LARS2: variants seen among roughly 807,000 people sequenced by gnomAD.
LARS2 encodes the protein leucyl-tRNA synthetase 2, mitochondrial.
Under a neutral mutation model 116.6 loss-of-function variants are expected in LARS2, and 81 were observed. The ratio of observed to expected loss-of-function variants is 0.69; its 90% CI spans 0.58 to 0.84. The LOEUF is 0.84. Among genes scored for constraint, LARS2 ranks in the 40% least tolerant of loss-of-function variants. The probability of loss-of-function intolerance (pLI) is 0.00; values close to 1 mark genes in which losing one functional copy is unlikely to be tolerated. For missense variants in LARS2, 968 were observed against 1,114.5 expected, an observed-to-expected ratio of 0.87 and a Z score of 1.87; for synonymous variants, 396 against 407.2, an observed-to-expected ratio of 0.97 and a Z score of 0.33.
At chr3:45,398,239 G>A (rs766197501) in intron 3 of LARS2, among the ~76,000 whole-genome samples, 9 of 152,282 alleles carry the variant, frequency 5.9e-5, no homozygotes, top group African/African-American at 1.7e-4. Flanking sequence ...TAATGGTTCC[G>A]TTAAAGGTTT....
Position 45,451,028 on chromosome 3 carries a change from A to C in LARS2, c.606+4048A>C, listed in dbSNP as rs185595404. 1.9e-4 allele frequency among the ~76,000 whole-genome samples: 29 copies of C among 151,904 alleles called. 1 individual carries two copies. Among genetic ancestry groups the C allele is most frequent in the African/African-American group, 6.8e-4 (28 of 41,474 alleles). On this transcript the variant is annotated intron_variant, in intron 7 of 21. Transcript: ENST00000645846. ...TATATAGGTGTTTTGCCTGTTTTCT[A>C]ATTGGAGTATTTGGATTTTTGTTTG...
chr3:45,428,536 C>T (rs950307020), intron 6 of LARS2, among the ~76,000 whole-genome samples: 67 of 152,250 alleles, frequency 4.4e-4, no homozygotes, highest in African/African-American at 1.5e-3. Context: ...TGAGCCACCG[C>T]GCCCAGCCTA....
chr3:45,401,373 C>T (rs893021040), intron 4 of LARS2, among the ~76,000 whole-genome samples: 24 of 151,468 alleles, frequency 1.6e-4, no homozygotes, highest in Non-Finnish European at 2.8e-4. Context: ...TGTGGTGGCA[C>T]ACACCTGTAG....
chr3:45,519,937 T>C (rs1700426978), intron 18 of LARS2: 1 of 342,482 alleles, frequency 2.9e-6, no homozygotes, highest in Non-Finnish European at 5.5e-6. Flanking sequence ...TGTGAGCCAC[T>C]GTGCCCAGCC....
intron 5 of LARS2, 32 bp downstream of exon 5, chr3:45,417,605 C>A: frequency 6.5e-7 from 1 of 1,535,284 alleles, no homozygotes; most frequent in Non-Finnish European, 9.0e-7. Flanking sequence ...CAAATACTTG[C>A]ATACAAAAAC....
At chr3:45,410,615 C>T (rs1256313174) in intron 4 of LARS2, among the ~76,000 whole-genome samples, 1 of 152,156 alleles carries the variant, frequency 6.6e-6, no homozygotes, top group Non-Finnish European at 1.5e-5. Flanking sequence ...ACATCAATTT[C>T]CCCAGTCTCT....
At chr3:45,397,790 T>C (rs1432281068) in intron 3 of LARS2, among the ~76,000 whole-genome samples, 1 of 152,196 alleles carries the variant, frequency 6.6e-6, no homozygotes, top group East Asian at 1.9e-4. Context: ...ATTGAGTGGA[T>C]AGTTTTCTTC....
chr3:45,525,045 A>G (rs1233815604), intron 20 of LARS2, among the ~76,000 whole-genome samples: 4 of 152,214 alleles, frequency 2.6e-5, no homozygotes. Context: ...ACTTTAAAAC[A>G]TAGTACTCCT....
intron 6 of LARS2, among the ~76,000 whole-genome samples, chr3:45,446,541 G>A (rs1366152399): frequency 6.6e-6 from 1 of 152,228 alleles, no homozygotes; most frequent in Non-Finnish European, 1.5e-5. Context: ...TTGTGAATAA[G>A]CATCAGGCCC....
intron 6 of LARS2, among the ~76,000 whole-genome samples, chr3:45,443,361 A>G (rs1384574516): frequency 6.6e-6 from 1 of 152,242 alleles, no homozygotes; most frequent in Non-Finnish European, 1.5e-5. Context: ...AAGACTCAAA[A>G]TAGCTGTTTT....
chr3:45,488,150 T>C (rs1699847252), intron 11 of LARS2, among the ~76,000 whole-genome samples: 1 of 151,756 alleles, frequency 6.6e-6, no homozygotes, highest in Non-Finnish European at 1.5e-5. Flanking sequence ...TAAAAAAAAA[T>C]AGGCTGGACA....
intron 7 of LARS2, among the ~76,000 whole-genome samples, chr3:45,449,623 C>T (rs989817913): frequency 2.6e-5 from 4 of 152,196 alleles, no homozygotes; most frequent in African/African-American, 9.6e-5. Context: ...AACACATGAA[C>T]TTTGGGGGAC....
At chr3:45,408,072 C>G (rs185573812) in intron 4 of LARS2, among the ~76,000 whole-genome samples, 7 of 152,164 alleles carry the variant, frequency 4.6e-5, no homozygotes, top group Non-Finnish European at 8.8e-5. Context: ...TACATAAGGC[C>G]CCCCCGTCCC....
chr3:45,395,281 G>A (rs1241522433), intron 3 of LARS2, among the ~76,000 whole-genome samples: 1 of 152,218 alleles, frequency 6.6e-6, no homozygotes, highest in Non-Finnish European at 1.5e-5. Context: ...CTGGGGTAGG[G>A]TCTAACCTTG....
intron 15 of LARS2, among the ~76,000 whole-genome samples, chr3:45,506,476 G>A (rs536627230): frequency 1.6e-4 from 25 of 152,216 alleles, no homozygotes; most frequent in African/African-American, 5.3e-4. Flanking sequence ...AACCACATGT[G>A]TATTTCTGAA....
At chr3:45,400,116 G>T in intron 3 of LARS2, 129 bp from the exon 4 acceptor site, 2 of 872,024 alleles carry the variant, frequency 2.3e-6, no homozygotes, top group African/African-American at 1.7e-5. Context: ...TACATTCTGG[G>T]AACACTCTTT....
At chr3:45,448,925 G>A (rs1045448356) in intron 7 of LARS2, among the ~76,000 whole-genome samples, 1 of 152,208 alleles carries the variant, frequency 6.6e-6, no homozygotes, top group African/African-American at 2.4e-5. Flanking sequence ...GCCAGTTTAT[G>A]GCCAGATTTT....
intron 8 of LARS2, among the ~76,000 whole-genome samples, chr3:45,460,099 A>C (rs1052558548): frequency 3.3e-5 from 5 of 152,252 alleles, no homozygotes; most frequent in African/African-American, 9.6e-5. Flanking sequence ...GCCATACAGA[A>C]ATATGACCTC....
At chr3:45,527,351 G>A (rs1464447626) in intron 20 of LARS2, among the ~76,000 whole-genome samples, 6 of 152,178 alleles carry the variant, frequency 3.9e-5, no homozygotes, top group East Asian at 1.9e-4. Context: ...CTTGCCGGGC[G>A]CGGTGGCTCA....
Sources: allele counts gnomAD v4.1 joint callset (sites outside exome capture counted in the v4.1 genomes callset), GRCh38; gene constraint gnomAD v4.1.1; transcripts MANE v1.5; gene names NCBI Gene and HGNC (gene_info 2026-07-23, HGNC 2026-07-21).